Variants in TSHZ2 observed in about 807,000 individuals in gnomAD.
The protein encoded by TSHZ2 is teashirt zinc finger homeobox 2.
In TSHZ2, 21 loss-of-function variants were observed where a neutral mutation model predicts 74.4. The observed-to-expected ratio is 0.28, with a 90% CI of 0.20 to 0.41. The LOEUF is 0.41. Among genes scored for constraint, TSHZ2 ranks in the 10% least tolerant of loss-of-function variants. TSHZ2 has a pLI of 1.00. For synonymous variants in TSHZ2, 540 were observed against 515.3 expected, an observed-to-expected ratio of 1.05 and a Z score of -0.65; for missense variants, 1,244 against 1,293.5, an observed-to-expected ratio of 0.96 and a Z score of 0.59.
chr20:53,178,474 A>G (rs532211545), intron 1 of TSHZ2: 5 of 152,358 alleles, frequency 3.3e-5, no homozygotes, highest in Admixed American at 2.6e-4. Flanking sequence ...ACTTGCCTCA[A>G]TCCTAAGACT....
intron 2 of TSHZ2, among the ~76,000 whole-genome samples, chr20:53,376,696 A>G (rs1342817477): frequency 6.6e-6 from 1 of 152,114 alleles, no homozygotes. Context: ...CTAGCTGGGC[A>G]TCTCCCCTTC....
chr20:53,265,390 G>T (rs925361772), intron 2 of TSHZ2, among the ~76,000 whole-genome samples: 9 of 152,120 alleles, frequency 5.9e-5, no homozygotes, highest in Admixed American at 4.6e-4. Flanking sequence ...GAGGTGAGCA[G>T]GGACAGGCGG....
intron 2 of TSHZ2, among the ~76,000 whole-genome samples, chr20:53,407,987 A>G (rs1178707853): frequency 6.6e-6 from 1 of 152,254 alleles, no homozygotes; most frequent in South Asian, 2.1e-4. Flanking sequence ...AACAGGCCAC[A>G]GGATGCATTT....
At chr20:53,479,198 T>C (rs1473530457) in intron 2 of TSHZ2, among the ~76,000 whole-genome samples, 1 of 148,444 alleles carries the variant, frequency 6.7e-6, no homozygotes, top group Admixed American at 6.7e-5. Context: ...AGGAGAAAAT[T>C]GAGACATGAA....
intron 1 of TSHZ2, among the ~76,000 whole-genome samples, chr20:53,132,675 T>C (rs1277937844): frequency 6.6e-6 from 1 of 152,190 alleles, no homozygotes. Flanking sequence ...CCTAGTATTA[T>C]ACCACCTCTT....
chr20:53,341,803 C>A (rs913322259), intron 2 of TSHZ2, among the ~76,000 whole-genome samples: 2 of 152,128 alleles, frequency 1.3e-5, no homozygotes, highest in Admixed American at 6.5e-5. Context: ...CTCCACCTCC[C>A]GGGTTCAAGC....
intron 2 of TSHZ2, among the ~76,000 whole-genome samples, chr20:53,436,533 A>AT (rs1444141242): frequency 1.6e-4 from 19 of 115,926 alleles, no homozygotes; most frequent in African/African-American, 5.2e-4. Flanking sequence ...ATTTATTATT[A>AT]TTATTATTAT....
chr20:53,035,647 G>T (rs569975371), intron 1 of TSHZ2, among the ~76,000 whole-genome samples: 3 of 152,040 alleles, frequency 2.0e-5, no homozygotes, highest in African/African-American at 7.3e-5. Flanking sequence ...CATATATGTC[G>T]CTCCAAGCTG....
At chr20:53,250,087 TG>T (rs1990291880) in intron 1 of TSHZ2, among the ~76,000 whole-genome samples, 1 of 152,172 alleles carries the variant, frequency 6.6e-6, no homozygotes, top group Non-Finnish European at 1.5e-5. Context: ...GGACATCTCA[TG>T]TGGCCAGAGT....
chr20:53,118,988 C>T (rs948129132), intron 1 of TSHZ2, among the ~76,000 whole-genome samples: 13 of 152,018 alleles, frequency 8.6e-5, no homozygotes, highest in African/African-American at 3.1e-4. Flanking sequence ...GTGCTGCACA[C>T]TTTTAAATAA....
At chr20:53,059,058 C>T (rs1317750252) in intron 1 of TSHZ2, among the ~76,000 whole-genome samples, 7 of 152,292 alleles carry the variant, frequency 4.6e-5, no homozygotes, top group African/African-American at 1.7e-4. Context: ...AGGAAATGTA[C>T]TAAACATTTT....
At chr20:52,976,419 A>G (rs966724671) in intron 1 of TSHZ2, among the ~76,000 whole-genome samples, 2 of 152,212 alleles carry the variant, frequency 1.3e-5, no homozygotes, top group African/African-American at 4.8e-5. Flanking sequence ...TTGTGTGTGC[A>G]TGCTTGCTTC....
intron 1 of TSHZ2, among the ~76,000 whole-genome samples, chr20:53,227,374 G>A (rs76126139): frequency 0.017 from 2,534 of 151,794 alleles, 84 homozygotes; most frequent in African/African-American, 0.059. Flanking sequence ...CTTCAAAACT[G>A]TCTTTAATTA....
chr20:53,260,700 GA>G (rs1600774505), intron 2 of TSHZ2, among the ~76,000 whole-genome samples: 1 of 152,154 alleles, frequency 6.6e-6, no homozygotes, highest in Non-Finnish European at 1.5e-5. Context: ...CTTCTCATAG[GA>G]AGGTTGTAAG....
At chr20:53,048,070 C>A (rs1317181698) in intron 1 of TSHZ2, among the ~76,000 whole-genome samples, 1 of 152,166 alleles carries the variant, frequency 6.6e-6, no homozygotes, top group East Asian at 1.9e-4. Flanking sequence ...GTACTCTGTG[C>A]TTGAATACAG....
intron 2 of TSHZ2, among the ~76,000 whole-genome samples, chr20:53,270,473 G>A (rs1990812100): frequency 6.6e-6 from 1 of 152,150 alleles, no homozygotes; most frequent in Non-Finnish European, 1.5e-5. Flanking sequence ...AAGTGACCAG[G>A]AAGGCCACAC....
chr20:53,253,819 T>A lies in TSHZ2; in HGVS notation c.361T>A (p.Cys121Ser), dbSNP rs765905225. The stretch of plus-strand genomic sequence containing the variant: ...CAGGCTTCCAAACGAAGCACACAAT[T>A]GCATGGATAAAATGACCGCTGTCTA... ...HVRLPNEAHN[C>S]MDKMTAVYAN... Residue 121 changes from cysteine (C) to serine (S), a missense_variant, in exon 2 of 3, where the codon TGC (cysteine) becomes AGC (serine). Transcript: ENST00000371497. 14 of 1,613,944 alleles carry A rather than the reference T, an allele frequency of 8.7e-6. No individual in the cohort carries two copies. Among genetic ancestry groups the A allele is most frequent in the Non-Finnish European group, 1.0e-5 (12 of 1,180,016 alleles).
chr20:52,991,098 G>A (rs1260306576), intron 1 of TSHZ2, among the ~76,000 whole-genome samples: 4 of 151,590 alleles, frequency 2.6e-5, no homozygotes, highest in African/African-American at 7.3e-5. Context: ...GGGGAAGAGA[G>A]CATGAAAAGC....
chr20:53,212,696 C>A (rs117029932), intron 1 of TSHZ2, among the ~76,000 whole-genome samples: 3 of 152,266 alleles, frequency 2.0e-5, no homozygotes, highest in African/African-American at 7.2e-5. Context: ...AGAAGTCAAC[C>A]CACTTTCCTC....
Sources: gnomAD v4.1 joint callset for allele counts (sites outside exome capture counted in the v4.1 genomes callset) on GRCh38, gnomAD v4.1.1 for gene constraint, MANE v1.5 for transcripts, NCBI Gene and HGNC (gene_info 2026-07-23, HGNC 2026-07-21) for gene names.